Variants in C7 observed in about 807,000 individuals in gnomAD.
C7 encodes complement component C7.
In C7, 83 loss-of-function variants were observed where a neutral mutation model predicts 104.8. The observed-to-expected ratio is 0.79, with a 90% CI of 0.66 to 0.95. The LOEUF is 0.95. Ranked by LOEUF, C7 falls within the 40% of genes least tolerant of loss-of-function variation. The pLI, the probability that C7 is intolerant of heterozygous loss-of-function variation, is 0.00. For synonymous variants in C7, 415 were observed against 360.6 expected (o/e 1.15, Z -1.71); for missense variants, 1,070 against 1,011.2 (o/e 1.06, Z -0.79).
At chr5:40,909,827 T>C (rs1420555112) in intron 1 of C7, among the ~76,000 whole-genome samples, 1 of 152,262 alleles carries the variant, frequency 6.6e-6, no homozygotes, top group East Asian at 1.9e-4. Context: ...CCAAAGTGAA[T>C]TCCTTTTTCT....
chr5:40,973,230 T>C (rs1004596808), intron 15 of C7, among the ~76,000 whole-genome samples: 1 of 152,148 alleles, frequency 6.6e-6, no homozygotes, highest in African/African-American at 2.4e-5. Context: ...TTTTTAGAGG[T>C]AATTTTAGAT....
chr5:40,953,825 G>T (rs1579860911), intron 9 of C7, among the ~76,000 whole-genome samples: 1 of 39,170 alleles, frequency 2.6e-5, no homozygotes, highest in African/African-American at 5.1e-5. Context: ...CACATTCTAT[G>T]CATGTATCAA....
intron 1 of C7, among the ~76,000 whole-genome samples, chr5:40,912,940 A>G (rs550473933): frequency 6.6e-6 from 1 of 151,634 alleles, no homozygotes; most frequent in South Asian, 2.1e-4. Flanking sequence ...ATTTCTCATC[A>G]CTCTTCCCCT....
At chr5:40,919,728 T>A (rs904337280) in intron 1 of C7, among the ~76,000 whole-genome samples, 1 of 151,856 alleles carries the variant, frequency 6.6e-6, no homozygotes, top group Non-Finnish European at 1.5e-5. Context: ...AATAGGTCAA[T>A]GAAATTAAAA....
rs771957022 is a variant in C7 at position 40,937,658 on chromosome 5, C to A, written c.535C>A (p.Leu179Met). 8.1e-6 allele frequency: 13 copies of A among 1,602,028 alleles called. No homozygotes were observed. The East Asian group carries it at 2.9e-4, about 36-fold the overall frequency. The change falls in exon 6 of 18, where the codon CTG (leucine) becomes ATG (methionine). Residue 179 changes from leucine to methionine, a missense_variant. By Grantham distance (15) the Leu-to-Met change is conservative (BLOSUM62 2). Transcript: ENST00000313164. ...FSGDGKDFYR[L>M]SGNVLSYTFQ... is the part of the protein sequence containing the mutation. ...TGGGGATGGAAAAGATTTCTACAGG[C>A]TGAGTGGAAATGTCCTGTCCTATAC...
At chr5:40,955,662 T>A in intron 10 of C7, 109 bp downstream of exon 10, 1 of 874,130 alleles carries the variant, frequency 1.1e-6, no homozygotes, top group South Asian at 1.9e-5. Context: ...GTAATTAGCA[T>A]TTTCCGTATC....
chr5:40,975,095 T>TA (rs1740785790), intron 15 of C7, among the ~76,000 whole-genome samples: 1 of 152,180 alleles, frequency 6.6e-6, no homozygotes, highest in Non-Finnish European at 1.5e-5. Context: ...ATACCATTTT[T>TA]AAAAAATTTC....
In C7 at chr5:40,983,156, C is replaced by T. The variant is rs766312665; in HGVS notation, c.*1583C>T. On this transcript the variant is annotated 3_prime_UTR_variant, in exon 18 of 18. Transcript: ENST00000313164. ...CAGACATTGCAACTGCATTTGTTAG[C>T]GGTTATTACAGAGTTAATTTCTACC... is the stretch of plus-strand genomic sequence containing the variant. Among the ~76,000 whole-genome samples, 4 of 152,128 alleles carry T rather than the reference C, an allele frequency of 2.6e-5. No individual in the cohort carries two copies. The highest frequency in any genetic ancestry group is 3.2e-3 in the Middle Eastern group (1 of 316).
chr5:40,918,192 C>T (rs1412645023), intron 1 of C7, among the ~76,000 whole-genome samples: 2 of 151,492 alleles, frequency 1.3e-5, no homozygotes, highest in Admixed American at 1.3e-4. Flanking sequence ...CCTATCTCTA[C>T]AATAACTTCA....
intron 2 of C7, 75 bp downstream of exon 2, chr5:40,928,710 G>A (rs1739610105): frequency 2.3e-6 from 2 of 871,766 alleles, no homozygotes; most frequent in Admixed American, 2.3e-5. Flanking sequence ...GTCTAATTTT[G>A]ACATTGCACT....
intron 11 of C7, 49 bp downstream of exon 11, chr5:40,958,310 A>T: frequency 8.6e-7 from 1 of 1,164,374 alleles, no homozygotes; most frequent in Non-Finnish European, 1.2e-6. Context: ...TTGAAAGGGA[A>T]TTACCCTGTT....
At chr5:40,936,997 A>G (rs1336903171) in intron 5 of C7, among the ~76,000 whole-genome samples, 1 of 152,084 alleles carries the variant, frequency 6.6e-6, no homozygotes, top group African/African-American at 2.4e-5. Flanking sequence ...TATCAAAGAG[A>G]ATTCTGAAGA....
chr5:40,968,568 TTATATATATATATATATATA>T (rs1240185830), intron 14 of C7, among the ~76,000 whole-genome samples: 1 of 63,726 alleles, frequency 1.6e-5, no homozygotes, highest in Non-Finnish European at 3.1e-5. Flanking sequence ...TATATATATT[TTATATATATATATATATATA>T]TATATATATA....
At chr5:40,959,410 T>A (rs764418237) in intron 11 of C7, 39 bp from the exon 12 acceptor site, 4 of 1,578,516 alleles carry the variant, frequency 2.5e-6, no homozygotes, top group Non-Finnish European at 3.4e-6. Context: ...CCAAGCCCTC[T>A]TTAAGAACTT....
chr5:40,943,469 G>C (rs1739982275), intron 6 of C7, among the ~76,000 whole-genome samples: 1 of 151,978 alleles, frequency 6.6e-6, no homozygotes, highest in Non-Finnish European at 1.5e-5. Flanking sequence ...GCTATGTGTA[G>C]GTAGATAGGA....
At position 40,981,640 on chromosome 5, in the gene C7, G is replaced by A. The variant is rs574568603; in HGVS notation, c.*67G>A. The A allele has an allele frequency of 1.8e-5, 23 of 1,313,574 alleles. No homozygotes were observed. The East Asian group carries it at 5.4e-4, about 31-fold the overall frequency. The allele number at this position is 1,313,574 out of a possible 1,614,324, so 81.4% of individuals were successfully genotyped here. ...CAGCTGGGGCTGAGTGAAAACATCT[G>A]CACAACTGGGCACTGGACAGCTTTT... On this transcript the variant is annotated 3_prime_UTR_variant, in exon 18 of 18. Coordinates refer to ENST00000313164, the MANE Select transcript of C7 (RefSeq NM_000587.4).
rs576396240 is a variant in C7 at position 40,940,063 on chromosome 5, C to T, written c.567+2373C>T. 5.3e-5 allele frequency among the ~76,000 whole-genome samples: 8 copies of T among 152,196 alleles called. No individual in the cohort carries two copies. The South Asian group carries it at 1.7e-3, about 32-fold the overall frequency. On this transcript the variant is annotated intron_variant, in intron 6 of 17. Transcript: ENST00000313164. ...TGCAAATGCTAAACTCAGGTGTGGA[C>T]GCGGAGGTGGTGAATGTCCTCCATG... is the stretch of plus-strand genomic sequence containing the variant.
At chr5:40,919,557 T>C (rs1739396295) in intron 1 of C7, among the ~76,000 whole-genome samples, 1 of 151,978 alleles carries the variant, frequency 6.6e-6, no homozygotes, top group Non-Finnish European at 1.5e-5. Context: ...AGTCCAGGAG[T>C]TCAAGGCTGC....
intron 15 of C7, among the ~76,000 whole-genome samples, chr5:40,974,714 G>A (rs573512308): frequency 2.6e-5 from 4 of 152,158 alleles, no homozygotes; most frequent in South Asian, 4.2e-4. Context: ...CACTGCGCCC[G>A]GCTTGACATT....
Sources: gnomAD v4.1 joint callset for allele counts (sites outside exome capture counted in the v4.1 genomes callset) on GRCh38, gnomAD v4.1.1 for gene constraint, MANE v1.5 for transcripts, NCBI Gene and HGNC (gene_info 2026-07-23, HGNC 2026-07-21) for gene names.